The following UBP1 variants were observed in gnomAD, a reference collection of about 807,000 sequenced individuals.
UBP1 encodes upstream binding protein 1, also known as upstream-binding protein 1.
In UBP1, 22 loss-of-function variants were observed where a neutral mutation model predicts 76.1. The observed-to-expected ratio is 0.29, with a 90% CI of 0.21 to 0.41. UBP1 has a LOEUF of 0.41. Ranked by LOEUF, UBP1 falls within the 10% of genes least tolerant of loss-of-function variation. The pLI is 1.00. For synonymous variants in UBP1, 224 were observed against 237.1 expected (o/e 0.94, Z 0.51); for missense variants, 436 against 668.1 (o/e 0.65, Z 3.83).
chr3:33,435,651 C>T (rs2045192459), intron 1 of UBP1, among the ~76,000 whole-genome samples: 1 of 152,126 alleles, frequency 6.6e-6, no homozygotes, highest in Non-Finnish European at 1.5e-5. Context: ...ACGAACATTT[C>T]ATGCACCTAA....
At chr3:33,412,575 C>T (rs1475610080) in intron 4 of UBP1, 147 bp downstream of exon 4, 3 of 582,538 alleles carry the variant, frequency 5.1e-6, no homozygotes, top group Non-Finnish European at 6.0e-6. Context: ...GAGCAAGGCT[C>T]TGTCTCAAAA....
intron 8 of UBP1, among the ~76,000 whole-genome samples, chr3:33,404,792 A>G (rs887971632): frequency 6.6e-6 from 1 of 152,232 alleles, no homozygotes; most frequent in Non-Finnish European, 1.5e-5. Flanking sequence ...AGTAGATCAC[A>G]TAAAAATGTC....
chr3:33,392,237 T>G, intron 15 of UBP1: 2 of 223,138 alleles, frequency 9.0e-6, no homozygotes, highest in Non-Finnish European at 1.7e-5. Flanking sequence ...AATTTTGGTT[T>G]GCTTTCCCCA....
chr3:33,413,719 T>C (rs2044656334), intron 3 of UBP1, among the ~76,000 whole-genome samples: 1 of 151,782 alleles, frequency 6.6e-6, no homozygotes, highest in Non-Finnish European at 1.5e-5. Context: ...AGATAAAGAG[T>C]ACCATGTGGG....
At chr3:33,430,637 A>G (rs2045097207) in intron 1 of UBP1, among the ~76,000 whole-genome samples, 1 of 152,214 alleles carries the variant, frequency 6.6e-6, no homozygotes, top group South Asian at 2.1e-4. Flanking sequence ...AACTACATAT[A>G]GAAGAATTCT....
At position 33,412,751 on chromosome 3, in the gene UBP1, T is replaced by C. The variant is rs1170203662; in HGVS notation, c.419A>G (p.Asn140Ser). The change falls in exon 4 of 16, where the codon AAT (asparagine) becomes AGT (serine). Residue 140 changes from asparagine to serine, a missense_variant. By Grantham distance (46) the Asn-to-Ser change is conservative. Coordinates refer to ENST00000283629, the MANE Select transcript of UBP1 (RefSeq NM_014517.5). Reference protein sequence around the residue: ...EHQQLEGWKWNRPGDRLLDLD... With the variant: ...EHQQLEGWKWSRPGDRLLDLD... ...ATCAAGAAGTCTGTCTCCTGGGCGA[T>C]TCCACTTCCATCCTTCAAGTTGCTG... 1 of 1,613,950 alleles carries C rather than the reference T, an allele frequency of 6.2e-7. No individual in the cohort carries two copies. The highest frequency in any genetic ancestry group is 1.1e-5 in the South Asian group (1 of 91,076).
intron 5 of UBP1, among the ~76,000 whole-genome samples, chr3:33,409,873 C>G (rs954583502): frequency 6.6e-6 from 1 of 152,192 alleles, no homozygotes; most frequent in African/African-American, 2.4e-5. Flanking sequence ...ATCAGGGGTA[C>G]AACACTACAG....
chr3:33,413,903 C>G (rs112056481), intron 3 of UBP1, among the ~76,000 whole-genome samples: 1 of 152,160 alleles, frequency 6.6e-6, no homozygotes, highest in Admixed American at 6.6e-5. Flanking sequence ...ACACCAATGC[C>G]AGTGGTTCAC....
intron 2 of UBP1, among the ~76,000 whole-genome samples, chr3:33,423,809 T>C (rs2044960674): frequency 6.6e-6 from 1 of 152,248 alleles, no homozygotes; most frequent in Admixed American, 6.5e-5. Context: ...TTAACACATG[T>C]ATTTAGTACA....
chr3:33,401,155 A>C, intron 9 of UBP1, 139 bp from the exon 10 acceptor site: 1 of 696,964 alleles, frequency 1.4e-6, no homozygotes, highest in Admixed American at 3.9e-5. Flanking sequence ...AAAGTCTGCA[A>C]CAAAATGCAA....
At chr3:33,424,178 A>C (rs4678967) in intron 2 of UBP1, among the ~76,000 whole-genome samples, 58,533 of 152,046 alleles carry the variant, frequency 0.38, 12,336 homozygotes, top group East Asian at 0.6. Flanking sequence ...CAAATAAGTT[A>C]TTAAGGTTCT....
At chr3:33,408,936 C>T in intron 7 of UBP1, 139 bp from the exon 8 acceptor site, 1 of 904,570 alleles carries the variant, frequency 1.1e-6, no homozygotes, top group South Asian at 1.6e-5. Context: ...TGCAAAACCC[C>T]AGCAGTGACA....
In UBP1 at chr3:33,412,792, T is replaced by G; in HGVS notation, c.378A>C (p.Leu126=). The change falls in exon 4 of 16, where the codon CTA becomes CTC. Residue 126 remains leucine (L), a synonymous_variant. Coordinates refer to ENST00000283629, the MANE Select transcript of UBP1 (RefSeq NM_014517.5). ...CAAGTTGCTGATGCTCTGTGTATTG[T>G]AGCCGTCTGTCATGGAATACAACCC... ...IIRVVFHDRR[L]QYTEHQQLEG... is the part of the protein sequence containing the mutation. 1 of 1,614,108 alleles carries G rather than the reference T, an allele frequency of 6.2e-7. No individual in the cohort carries two copies. Among genetic ancestry groups the G allele is most frequent in the Non-Finnish European group, 8.5e-7 (1 of 1,179,944 alleles).
intron 15 of UBP1, chr3:33,390,572 G>T: frequency 1.7e-6 from 1 of 603,248 alleles, no homozygotes; most frequent in Admixed American, 3.0e-5. Flanking sequence ...TAGACATTCT[G>T]CGAAGCCTGG....
chr3:33,422,002 C>A (rs1575485033), intron 2 of UBP1, among the ~76,000 whole-genome samples: 1 of 151,738 alleles, frequency 6.6e-6, no homozygotes, highest in Non-Finnish European at 1.5e-5. Context: ...AAGACTGCAT[C>A]GTTGCACTCC....
At chr3:33,406,677 C>A (rs954064831) in intron 8 of UBP1, among the ~76,000 whole-genome samples, 3 of 152,150 alleles carry the variant, frequency 2.0e-5, no homozygotes, top group Non-Finnish European at 4.4e-5. Flanking sequence ...GAAAAGCAAG[C>A]GATGGTGCAG....
At chr3:33,411,262 T>C (rs908400744) in intron 5 of UBP1, among the ~76,000 whole-genome samples, 29 of 152,188 alleles carry the variant, frequency 1.9e-4, no homozygotes, top group African/African-American at 6.3e-4. Flanking sequence ...CCTCAATCTT[T>C]TTTCAATCGT....
chr3:33,411,596 G>T lies in UBP1; in HGVS notation c.540C>A (p.Thr180=). The change falls in exon 5 of 16, where the codon ACC becomes ACA. Residue 180 remains threonine, a synonymous_variant. Coordinates refer to ENST00000283629, the MANE Select transcript of UBP1 (RefSeq NM_014517.5). ...AAATCCAAACCTGAATGAAAGCAGA[G>T]GTGCGTTTTGCTGGGTCCCACAGAA... is the stretch of plus-strand genomic sequence containing the variant. ...VEFLWDPAKR[T]SAFIQVHCIS... 1 of 1,614,072 alleles carries T rather than the reference G, an allele frequency of 6.2e-7. No homozygotes were observed. The highest frequency in any genetic ancestry group is 1.1e-5 in the South Asian group (1 of 91,082).
At chr3:33,408,418 G>T (rs182238352) in intron 8 of UBP1, among the ~76,000 whole-genome samples, 73 of 152,248 alleles carry the variant, frequency 4.8e-4, no homozygotes, top group African/African-American at 1.7e-3. Context: ...GAAGGAGTCA[G>T]GGAGGGAATA....
Sources: gnomAD v4.1 joint callset for allele counts (sites outside exome capture counted in the v4.1 genomes callset) on GRCh38, gnomAD v4.1.1 for gene constraint, MANE v1.5 for transcripts, NCBI Gene and HGNC (gene_info 2026-07-23, HGNC 2026-07-21) for gene names.